DLGAP2: variants seen among roughly 807,000 people sequenced by gnomAD.
DLGAP2 encodes the protein disks large-associated protein 2.
DLGAP2 carries 26 observed loss-of-function variants against 100.3 expected under a neutral mutation model. The observed-to-expected ratio is 0.26, with a 90% CI of 0.19 to 0.36. The LOEUF is 0.36. DLGAP2 is among the 10% of genes least tolerant of loss of function. The pLI, the probability that DLGAP2 is intolerant of heterozygous loss-of-function variation, is 1.00. For missense variants in DLGAP2, 1,858 were observed against 1,453.2 expected, an observed-to-expected ratio of 1.28 and a Z score of -4.53; for synonymous variants, 886 against 630.1, an observed-to-expected ratio of 1.41 and a Z score of -6.08.
At chr8:1,699,624 AG>A (rs1436166600) in intron 14 of DLGAP2, among the ~76,000 whole-genome samples, 2 of 152,026 alleles carry the variant, frequency 1.3e-5, no homozygotes, top group African/African-American at 4.8e-5. Flanking sequence ...AAAAAAAAAA[AG>A]AAAGAAAATG....
intron 3 of DLGAP2, among the ~76,000 whole-genome samples, chr8:1,488,840 C>G (rs182083527): frequency 1.1e-3 from 166 of 152,304 alleles, no homozygotes; most frequent in Admixed American, 2.9e-3. Flanking sequence ...CAGGCTGACT[C>G]TTGTCCTGCA....
rs565861645 is a variant in DLGAP2, at chr8:1,000,736, C to T, written c.73+92770C>T. On this transcript the variant is annotated intron_variant, in intron 2 of 14. Coordinates refer to ENST00000637795, the MANE Select transcript of DLGAP2 (RefSeq NM_001346810.2). The stretch of plus-strand genomic sequence containing the variant: ...TATTTTTGTAGCCTTGATCTTTACT[C>T]AACGTCGACTGCAGGGGCGTTGGGG... 6.1e-4 allele frequency among the ~76,000 whole-genome samples: 93 copies of T among 152,214 alleles called. 1 individual carries two copies. Among genetic ancestry groups the T allele is most frequent in the Admixed American group, 1.8e-3 (27 of 15,290 alleles).
chr8:1,352,413 C>G (rs1290018306), intron 3 of DLGAP2, among the ~76,000 whole-genome samples: 5 of 152,166 alleles, frequency 3.3e-5, no homozygotes, highest in Admixed American at 2.0e-4. Context: ...CCCAGCGACT[C>G]TCCCTGTACC....
intron 2 of DLGAP2, among the ~76,000 whole-genome samples, chr8:1,074,147 AACTCACCC>A: frequency 1.6e-4 from 23 of 142,284 alleles, no homozygotes; most frequent in African/African-American, 6.8e-4. Context: ...ACTGAGGCTG[AACTCACCC>A]AGGTACATAT....
At chr8:994,974 C>T (rs997530278) in intron 2 of DLGAP2, among the ~76,000 whole-genome samples, 1 of 152,070 alleles carries the variant, frequency 6.6e-6, no homozygotes, top group African/African-American at 2.4e-5. Context: ...ATATTTAGTA[C>T]CTGAAATAGG....
intron 2 of DLGAP2, among the ~76,000 whole-genome samples, chr8:1,007,089 T>G: frequency 6.6e-6 from 1 of 152,154 alleles, no homozygotes; most frequent in Admixed American, 6.5e-5. Context: ...AATACGGTCC[T>G]TTATCATGTC....
intron 3 of DLGAP2, among the ~76,000 whole-genome samples, chr8:1,460,221 T>A (rs578128379): frequency 6.6e-6 from 1 of 152,320 alleles, no homozygotes; most frequent in African/African-American, 2.4e-5. Context: ...AATCCTCCAC[T>A]GAAGACCACT....
intron 1 of DLGAP2, among the ~76,000 whole-genome samples, chr8:835,974 G>C (rs1796866334): frequency 6.6e-6 from 1 of 152,086 alleles, no homozygotes; most frequent in South Asian, 2.1e-4. Context: ...GGTCATTTTT[G>C]GGTGTAAGAC....
rs532793997 is a variant in DLGAP2 at position 835,572 on chromosome 8, G to A, written c.19-72340G>A. Among the ~76,000 whole-genome samples, 17 of 152,054 alleles carry A rather than the reference G, an allele frequency of 1.1e-4. No homozygotes were observed. In the South Asian group the frequency reaches 3.5e-3, roughly 32 times the overall value. The stretch of plus-strand genomic sequence containing the variant: ...GTCCCCCGTGCTCCTGTGTCCGGGG[G>A]TTCGTTTGTGGCTGGCCCTGCTGAC... On this transcript the variant is annotated intron_variant, in intron 1 of 14. Transcript: ENST00000637795.
intron 6 of DLGAP2, among the ~76,000 whole-genome samples, chr8:1,598,461 C>T (rs1287915304): frequency 2.0e-5 from 3 of 152,180 alleles, no homozygotes; most frequent in African/African-American, 7.2e-5. Context: ...CTTTGTACCT[C>T]TGGTAGAATT....
rs76484207 is a variant in DLGAP2 at position 1,224,304 on chromosome 8, A to T, written c.74-34547A>T. On this transcript the variant is annotated intron_variant, in intron 2 of 14. Coordinates refer to ENST00000637795, the MANE Select transcript of DLGAP2 (RefSeq NM_001346810.2). ...TTCTCTCATATAAGAGACATAATTG[A>T]CATGCGTATTTGTAACTACCGTCAA... Among the ~76,000 whole-genome samples the T allele has an allele frequency of 4.3e-4, 65 of 152,360 alleles. 1 individual carries two copies. In the East Asian group the frequency reaches 0.011, roughly 26 times the overall value.
intron 4 of DLGAP2, among the ~76,000 whole-genome samples, chr8:1,518,515 G>A (rs1800473039): frequency 6.6e-6 from 1 of 152,188 alleles, no homozygotes; most frequent in African/African-American, 2.4e-5. Context: ...ATAAGAGCAT[G>A]GCTGTGGTGA....
intron 4 of DLGAP2, among the ~76,000 whole-genome samples, chr8:1,539,065 T>C (rs1169847232): frequency 6.6e-6 from 1 of 152,128 alleles, no homozygotes; most frequent in Non-Finnish European, 1.5e-5. Flanking sequence ...TTTGTATTTT[T>C]AGTAGAGATG....
At chr8:1,493,661 C>A (rs1469553006) in intron 3 of DLGAP2, among the ~76,000 whole-genome samples, 4 of 152,186 alleles carry the variant, frequency 2.6e-5, no homozygotes, top group Non-Finnish European at 4.4e-5. Context: ...GCTAGGAAAA[C>A]GTCCTATCGG....
intron 3 of DLGAP2, among the ~76,000 whole-genome samples, chr8:1,448,782 G>A (rs530489433): frequency 5.9e-5 from 9 of 152,060 alleles, no homozygotes; most frequent in Admixed American, 1.3e-4. Context: ...CCCTCACTGC[G>A]TGCAAAAATC....
At position 1,678,626 on chromosome 8, in the gene DLGAP2, G is replaced by C. The variant is rs572267729; in HGVS notation, c.2701G>C (p.Glu901Gln). 3.3e-6 allele frequency: 5 copies of C among 1,536,306 alleles called. No homozygotes were observed. The African/African-American group carries it at 6.9e-5, about 21-fold the overall frequency. Residue 901 changes from glutamate to glutamine, a missense_variant, in exon 12 of 15, where the codon GAA (glutamate) becomes CAA (glutamine). Transcript: ENST00000637795. ...GGCGGAGGAGAACGACCTCTCGGAGGAAAGTAAGAGCTCAGGCTTCCCTAG... is the reference window on the plus strand; with the variant it reads ...GGCGGAGGAGAACGACCTCTCGGAGCAAAGTAAGAGCTCAGGCTTCCCTAG... ...REAEENDLSE[E>Q]ILGKIRSAVG...
intron 7 of DLGAP2, among the ~76,000 whole-genome samples, chr8:1,629,916 C>A (rs1354390105): frequency 6.6e-6 from 1 of 152,144 alleles, no homozygotes; most frequent in African/African-American, 2.4e-5. Context: ...CGTCATCTTG[C>A]TTTTGATGAA....
intron 2 of DLGAP2, among the ~76,000 whole-genome samples, chr8:1,026,485 C>G (rs771474839): frequency 6.6e-6 from 1 of 152,190 alleles, no homozygotes; most frequent in Non-Finnish European, 1.5e-5. Context: ...CCTGCTCCTG[C>G]TGTGATCTAA....
At chr8:1,374,488 G>A (rs961003245) in intron 3 of DLGAP2, among the ~76,000 whole-genome samples, 20 of 152,178 alleles carry the variant, frequency 1.3e-4, no homozygotes, top group Non-Finnish European at 2.2e-4. Flanking sequence ...GAAAGCAGCA[G>A]GAGTTCTGAG....
Sources: allele counts gnomAD v4.1 joint callset (sites outside exome capture counted in the v4.1 genomes callset), GRCh38; gene constraint gnomAD v4.1.1; transcripts MANE v1.5; gene names NCBI Gene and HGNC (gene_info 2026-07-23, HGNC 2026-07-21).